The following MAP3K20 variants were observed in gnomAD, a reference collection of about 807,000 sequenced individuals.
MAP3K20 encodes HCCS-4.
Under a neutral mutation model 85.7 loss-of-function variants are expected in MAP3K20, and 40 were observed. That is an observed-to-expected ratio of 0.47 (90% CI 0.36 to 0.61). The LOEUF is 0.61. MAP3K20 is among the 20% of genes least tolerant of loss of function. The probability of loss-of-function intolerance (pLI) is 0.00; values close to 1 mark genes in which losing one functional copy is unlikely to be tolerated. For missense variants in MAP3K20, 817 were observed against 961.7 expected (o/e 0.85, Z 1.99); for synonymous variants, 325 against 327.7 (o/e 0.99, Z 0.09).
chr2:173,095,158 A>G (rs967984190), intron 2 of MAP3K20, among the ~76,000 whole-genome samples: 2 of 152,206 alleles, frequency 1.3e-5, no homozygotes, highest in Admixed American at 1.3e-4. Flanking sequence ...ATTCATTTTC[A>G]TGCTTAAACT....
At chr2:173,090,563 TTG>T in intron 1 of MAP3K20, 1 of 956,010 alleles carries the variant, frequency 1.0e-6, no homozygotes, top group Middle Eastern at 5.4e-4. Flanking sequence ...TGTGTATATT[TTG>T]TGTGAAGTGA....
rs1342270856 is a variant in MAP3K20, at chr2:173,266,108, T to C, written c.1761T>C (p.Ser587=). ...LRMRQIASNT[S]LQRSQSNPIL... is the part of the protein sequence containing the mutation. ...TGCGGCAGATTGCATCCAACACTTCTTTACAGCGTTCCCAGAGCAATCCTA... is the reference window on the plus strand; with the variant it reads ...TGCGGCAGATTGCATCCAACACTTCCTTACAGCGTTCCCAGAGCAATCCTA... The change falls in exon 20 of 20, where the codon TCT becomes TCC. Residue 587 remains serine (S), a synonymous_variant. Transcript: ENST00000375213. The C allele has an allele frequency of 6.2e-7, 1 of 1,608,550 alleles. No homozygotes were observed. The highest frequency in any genetic ancestry group is 1.1e-5 in the South Asian group (1 of 89,954).
chr2:173,182,730 T>G, intron 3 of MAP3K20, 124 bp from the exon 4 acceptor site: 1 of 693,114 alleles, frequency 1.4e-6, no homozygotes, highest in Non-Finnish European at 2.2e-6. Flanking sequence ...ATGGAACAAT[T>G]TTTTATATAT....
chr2:173,147,496 A>G (rs753518052), intron 2 of MAP3K20, among the ~76,000 whole-genome samples: 6 of 152,232 alleles, frequency 3.9e-5, no homozygotes, highest in Non-Finnish European at 7.3e-5. Context: ...GCATATTGCT[A>G]TTCTAAACAA....
intron 11 of MAP3K20, chr2:173,221,245 A>C (rs773970036): frequency 6.8e-6 from 11 of 1,614,018 alleles, no homozygotes; most frequent in African/African-American, 1.3e-5. Flanking sequence ...GTCAGATCAC[A>C]GCAACAAGTA....
intron 11 of MAP3K20, among the ~76,000 whole-genome samples, chr2:173,219,290 C>T (rs1684165852): frequency 6.6e-6 from 1 of 152,110 alleles, no homozygotes; most frequent in Admixed American, 6.6e-5. Flanking sequence ...AAAATTGTAT[C>T]ATTGAATTAA....
At chr2:173,075,656 C>T, upstream of MAP3K20, 1 of 899,002 alleles carries the variant, frequency 1.1e-6, no homozygotes. Context: ...CGGCCCTCCC[C>T]CCACAGCAAG....
At chr2:173,134,412 A>ATT (rs1559246011) in intron 2 of MAP3K20, among the ~76,000 whole-genome samples, 24 of 5,654 alleles carry the variant, frequency 4.2e-3, no homozygotes, top group Non-Finnish European at 8.2e-3. Flanking sequence ...ATATATATAT[A>ATT]TATATATATA....
intron 2 of MAP3K20, among the ~76,000 whole-genome samples, chr2:173,102,769 C>A (rs1369976218): frequency 6.6e-6 from 1 of 152,184 alleles, no homozygotes; most frequent in Non-Finnish European, 1.5e-5. Flanking sequence ...CCAAGCAGTG[C>A]TTCCATTAGT....
chr2:173,102,153 T>C (rs1055595188), intron 2 of MAP3K20, among the ~76,000 whole-genome samples: 1 of 152,218 alleles, frequency 6.6e-6, no homozygotes, highest in Non-Finnish European at 1.5e-5. Flanking sequence ...CAGTCAATAA[T>C]GGATAGGATA....
intron 2 of MAP3K20, among the ~76,000 whole-genome samples, chr2:173,130,262 C>T (rs1688572436): frequency 6.6e-6 from 1 of 152,022 alleles, no homozygotes; most frequent in Non-Finnish European, 1.5e-5. Context: ...GAAAATTAAG[C>T]TAGTATGGAA....
chr2:173,080,613 G>A (rs1239373911), intron 1 of MAP3K20, among the ~76,000 whole-genome samples: 1 of 152,224 alleles, frequency 6.6e-6, no homozygotes, highest in Non-Finnish European at 1.5e-5. Context: ...TAAAGGTTCT[G>A]CTTCCCAGTA....
chr2:173,216,569 C>T (rs181744794), intron 10 of MAP3K20, among the ~76,000 whole-genome samples: 56 of 151,744 alleles, frequency 3.7e-4, no homozygotes, highest in African/African-American at 1.3e-3. Context: ...GGTAGGAGAA[C>T]CCTAATGTAC....
chr2:173,180,128 G>A lies in MAP3K20; in HGVS notation c.248-2726G>A, dbSNP rs573726092. Among the ~76,000 whole-genome samples the A allele has an allele frequency of 5.4e-4, 82 of 152,158 alleles. 1 individual carries two copies. Among genetic ancestry groups the A allele is most frequent in the Non-Finnish European group, 6.8e-4 (46 of 68,002 alleles). ...TTAACAAGCCAATCCTAAAATTTAC[G>A]TGGTAATGCAAAAGACCTAGAAATA... On this transcript the variant is annotated intron_variant, in intron 3 of 19. Transcript: ENST00000375213.
intron 2 of MAP3K20, among the ~76,000 whole-genome samples, chr2:173,102,469 C>G (rs61674716): frequency 2.2e-4 from 34 of 152,152 alleles, no homozygotes; most frequent in Non-Finnish European, 4.3e-4. Flanking sequence ...TTTTCTTAGC[C>G]CTGCTAATAT....
chr2:173,233,552 G>T (rs554145282), intron 14 of MAP3K20, among the ~76,000 whole-genome samples: 11 of 152,262 alleles, frequency 7.2e-5, no homozygotes, highest in Admixed American at 5.9e-4. Flanking sequence ...ATAAAATCAG[G>T]TTTGCTCCCC....
intron 2 of MAP3K20, among the ~76,000 whole-genome samples, chr2:173,094,422 T>C (rs999628788): frequency 5.9e-5 from 9 of 152,170 alleles, no homozygotes; most frequent in African/African-American, 1.7e-4. Flanking sequence ...ATGATAACAA[T>C]AATGTTACTT....
intron 16 of MAP3K20, among the ~76,000 whole-genome samples, chr2:173,245,614 T>TA (rs1269320824): frequency 6.6e-6 from 1 of 152,228 alleles, no homozygotes; most frequent in Non-Finnish European, 1.5e-5. Flanking sequence ...GACCTGCTCC[T>TA]AAGTAGTAAA....
chr2:173,082,043 G>T (rs2044515), intron 1 of MAP3K20, among the ~76,000 whole-genome samples: 60,658 of 151,564 alleles, frequency 0.4, 13,766 homozygotes, highest in African/African-American at 0.61. Flanking sequence ...TGGAGACAGG[G>T]TCTCACTTTG....
Sources: gnomAD v4.1 joint callset for allele counts (sites outside exome capture counted in the v4.1 genomes callset) on GRCh38, gnomAD v4.1.1 for gene constraint, MANE v1.5 for transcripts, NCBI Gene and HGNC (gene_info 2026-07-23, HGNC 2026-07-21) for gene names.